Variants in PRKCH observed in about 807,000 individuals in gnomAD.
PRKCH encodes the protein protein kinase C eta type.
A neutral mutation model predicts 82.5 loss-of-function variants in PRKCH; 28 were observed. The observed-to-expected ratio is 0.34, with a 90% confidence interval of 0.25 to 0.47. The LOEUF is 0.47. PRKCH is among the 20% of genes least tolerant of loss of function. The pLI, the probability that PRKCH is intolerant of heterozygous loss-of-function variation, is 1.00. For missense variants in PRKCH, 705 were observed against 881.8 expected, an observed-to-expected ratio of 0.80 and a Z score of 2.54; for synonymous variants, 322 against 327.4, an observed-to-expected ratio of 0.98 and a Z score of 0.18.
chr14:61,417,447 C>T (rs771095730), intron 2 of PRKCH, among the ~76,000 whole-genome samples: 2 of 152,218 alleles, frequency 1.3e-5, no homozygotes, highest in Non-Finnish European at 2.9e-5. Context: ...GTTTCTAACC[C>T]TTTTGATTAA....
chr14:61,382,335 T>G (rs2046523187), intron 1 of PRKCH, among the ~76,000 whole-genome samples: 1 of 152,084 alleles, frequency 6.6e-6, no homozygotes, highest in African/African-American at 2.4e-5. Flanking sequence ...GAGGCTTAGT[T>G]GAGAGGTTGG....
rs1172672449 is a variant in PRKCH at position 61,252,967 on chromosome 14, C to T, written c.-19+65299C>T. Among the ~76,000 whole-genome samples the T allele has an allele frequency of 2.6e-5, 4 of 152,160 alleles. No individual in the cohort carries two copies. The South Asian group carries it at 6.2e-4, about 24-fold the overall frequency. On this transcript the variant is annotated intron_variant, in intron 1 of 3. Coordinates refer to the PRKCH transcript ENST00000555185. ...TGAGCGTATGGTGGGCAAGAGAGAC[C>T]TCTGCTGGATGAATGATGGCAAACA...
rs1349921469 is a variant in PRKCH at position 61,431,449 on chromosome 14, ACTTT to A, written c.428-11661_428-11658del. ...TTCCTGTTCTCAAACTTTTTAATATACTTTAACTCCTGCTCTAAAACTTGCCTTG... is the reference window on the plus strand; with the variant it reads ...TTCCTGTTCTCAAACTTTTTAATATAAACTCCTGCTCTAAAACTTGCCTTG... On this transcript the variant is annotated intron_variant, in intron 2 of 13. Transcript: ENST00000332981. Among the ~76,000 whole-genome samples the A allele has an allele frequency of 2.8e-4, 43 of 152,240 alleles. 2 individuals are homozygous for A. The South Asian group carries it at 8.9e-3, about 32-fold the overall frequency.
chr14:61,400,936 A>G (rs545012811), intron 2 of PRKCH, among the ~76,000 whole-genome samples: 1 of 152,234 alleles, frequency 6.6e-6, no homozygotes, highest in East Asian at 1.9e-4. Context: ...AGATCTTTCT[A>G]CACCATCCAG....
chr14:61,389,664 G>A (rs988239320), intron 1 of PRKCH, among the ~76,000 whole-genome samples: 2 of 150,806 alleles, frequency 1.3e-5, no homozygotes, highest in Non-Finnish European at 2.9e-5. Context: ...TTGTGCCACT[G>A]CACTCCAGCC....
chr14:61,279,948 G>T, intron 1 of PRKCH: 1 of 708,600 alleles, frequency 1.4e-6, no homozygotes, highest in South Asian at 1.9e-5. Flanking sequence ...AGCAAGGGGG[G>T]TAATTCCCTT....
At chr14:61,431,328 A>G (rs912750152) in intron 2 of PRKCH, among the ~76,000 whole-genome samples, 1 of 152,226 alleles carries the variant, frequency 6.6e-6, no homozygotes, top group Non-Finnish European at 1.5e-5. Context: ...GCACCATGCC[A>G]TTGTGTAAAA....
chr14:61,373,757 T>C (rs1566844344), intron 1 of PRKCH, among the ~76,000 whole-genome samples: 3 of 152,058 alleles, frequency 2.0e-5, no homozygotes, highest in Non-Finnish European at 2.9e-5. Flanking sequence ...TGCGCCACCA[T>C]GCCCAGCTAA....
intron 1 of PRKCH, among the ~76,000 whole-genome samples, chr14:61,335,169 C>T (rs968578779): frequency 6.6e-6 from 1 of 152,080 alleles, no homozygotes; most frequent in African/African-American, 2.4e-5. Flanking sequence ...ACAGGGTTGC[C>T]TCTTAGAAAA....
chr14:61,463,961 T>C (rs1418342350), intron 9 of PRKCH, among the ~76,000 whole-genome samples: 1 of 152,248 alleles, frequency 6.6e-6, no homozygotes, highest in Non-Finnish European at 1.5e-5. Flanking sequence ...TCTTTGTCCA[T>C]TCATCCACTG....
At chr14:61,223,766 G>T (rs1485363934) in intron 1 of PRKCH, among the ~76,000 whole-genome samples, 1 of 152,148 alleles carries the variant, frequency 6.6e-6, no homozygotes, top group African/African-American at 2.4e-5. Flanking sequence ...CCCTCAGGAG[G>T]CCCCTCAGAG....
intron 10 of PRKCH, among the ~76,000 whole-genome samples, chr14:61,517,398 G>A (rs1394351617): frequency 2.0e-5 from 3 of 152,252 alleles, no homozygotes; most frequent in East Asian, 3.8e-4. Context: ...ACTAGCTTCA[G>A]TGCTGATAGG....
intron 1 of PRKCH, among the ~76,000 whole-genome samples, chr14:61,193,764 G>A (rs1425414444): frequency 6.6e-6 from 1 of 152,170 alleles, no homozygotes; most frequent in South Asian, 2.1e-4. Context: ...TTATTGTAGG[G>A]ATACAAGAGA....
chr14:61,240,355 G>A (rs760244958), intron 1 of PRKCH, among the ~76,000 whole-genome samples: 2 of 152,062 alleles, frequency 1.3e-5, no homozygotes, highest in Non-Finnish European at 2.9e-5. Flanking sequence ...CAGGGGATTC[G>A]TTTAACCAGC....
chr14:61,476,865 A>C (rs954526929), intron 9 of PRKCH, among the ~76,000 whole-genome samples: 2 of 120,104 alleles, frequency 1.7e-5, no homozygotes, highest in South Asian at 5.1e-4. Context: ...TGATAAGTTC[A>C]AAAAAAAAAT....
intron 1 of PRKCH, among the ~76,000 whole-genome samples, chr14:61,381,480 G>A (rs957589401): frequency 2.0e-5 from 3 of 152,224 alleles, no homozygotes; most frequent in Non-Finnish European, 4.4e-5. Flanking sequence ...TAGAAAATTA[G>A]CAGGGATGTA....
intron 1 of PRKCH, among the ~76,000 whole-genome samples, chr14:61,277,187 G>GTGAGCC (rs1391468785): frequency 6.6e-6 from 1 of 152,144 alleles, no homozygotes; most frequent in Non-Finnish European, 1.5e-5. Context: ...GGGCAACACA[G>GTGAGCC]TGAGACTCTG....
intron 10 of PRKCH, among the ~76,000 whole-genome samples, chr14:61,501,313 C>A (rs1594766806): frequency 1.3e-5 from 2 of 152,168 alleles, no homozygotes; most frequent in East Asian, 3.9e-4. Flanking sequence ...TATGGTTATA[C>A]CCGTACTGTG....
chr14:61,428,280 C>A (rs966838890), intron 2 of PRKCH, among the ~76,000 whole-genome samples: 2 of 152,024 alleles, frequency 1.3e-5, no homozygotes, highest in Non-Finnish European at 2.9e-5. Flanking sequence ...ATTATAGGTG[C>A]TCTGCACTCT....
Sources: allele counts gnomAD v4.1 joint callset (sites outside exome capture counted in the v4.1 genomes callset), GRCh38; gene constraint gnomAD v4.1.1; transcripts MANE v1.5; gene names NCBI Gene and HGNC (gene_info 2026-07-23, HGNC 2026-07-21).